Variants in UTP11 observed in about 807,000 individuals in gnomAD.
UTP11 encodes the protein UTP11 small subunit processome component.
A neutral mutation model predicts 39.0 loss-of-function variants in UTP11; 29 were observed. The ratio of observed to expected loss-of-function variants is 0.74; its 90% confidence interval spans 0.55 to 1.01. The LOEUF (loss-of-function observed/expected upper bound fraction) is 1.01. Among genes scored for constraint, UTP11 ranks in the 50% least tolerant of loss-of-function variants. The probability of loss-of-function intolerance (pLI) is 0.00; values close to 1 mark genes in which losing one functional copy is unlikely to be tolerated. For missense variants in UTP11, 281 were observed against 306.0 expected (o/e 0.92, Z 0.61); for synonymous variants, 111 against 105.0 (o/e 1.06, Z -0.35).
Position 38,024,280 on chromosome 1 carries a change from G to A in UTP11, c.*652G>A, listed in dbSNP as rs1300359742. ...CTGTGCTAGGAGCTAGAGCTGTGGA[G>A]GTGGACAATTACTGTGAGTAGTCTA... On this transcript the variant is annotated 3_prime_UTR_variant, in exon 8 of 8. Coordinates refer to ENST00000373014, the MANE Select transcript of UTP11 (RefSeq NM_016037.4). 2 of 152,226 alleles carry A rather than the reference G, an allele frequency of 1.3e-5. No individual in the cohort carries two copies. Among genetic ancestry groups the A allele is most frequent in the Non-Finnish European group, 2.9e-5 (2 of 68,052 alleles). 9.4% of individuals were successfully genotyped at this position (152,226 alleles called of 1,614,324 possible). A position where few individuals can be genotyped will look rare whatever the true frequency, so the allele number is the denominator to read the frequency against.
chr1:38,014,558 A>G (rs1365109461), intron 1 of UTP11, among the ~76,000 whole-genome samples: 1 of 151,998 alleles, frequency 6.6e-6, no homozygotes, highest in Non-Finnish European at 1.5e-5. Context: ...TGCTTTTTTG[A>G]CCCTTTAGCT....
At position 38,024,649 on chromosome 1, in the gene UTP11, C is replaced by CA. The variant is rs1276192475; in HGVS notation, c.*1022dup. 3 of 151,894 alleles carry CA rather than the reference C, an allele frequency of 2.0e-5. No homozygotes were observed. The highest frequency in any genetic ancestry group is 4.4e-5 in the Non-Finnish European group (3 of 67,962). The allele number at this position is 151,894 out of a possible 1,614,324, so 9.4% of individuals were successfully genotyped here. ...GTCTCGATCTCCTGACCTCATGATCCACCCGCCTCGGCCTCCCAAAGTGCT... is the reference window on the plus strand; with the variant it reads ...GTCTCGATCTCCTGACCTCATGATCCAACCCGCCTCGGCCTCCCAAAGTGCT... On this transcript the variant is annotated 3_prime_UTR_variant, in exon 8 of 8. Transcript: ENST00000373014.
chr1:38,017,863 A>G, intron 3 of UTP11, 93 bp downstream of exon 3: 7 of 1,134,202 alleles, frequency 6.2e-6, no homozygotes, highest in Non-Finnish European at 8.9e-6. Context: ...GTTGGCCTTA[A>G]TTTAACCCTT....
chr1:38,014,178 C>T (rs1431755020), intron 1 of UTP11, among the ~76,000 whole-genome samples: 2 of 152,180 alleles, frequency 1.3e-5, no homozygotes, highest in South Asian at 2.1e-4. Context: ...ATAGTATATC[C>T]AAAGTCACAG....
At chr1:38,016,094 G>C (rs562753465) in intron 1 of UTP11, among the ~76,000 whole-genome samples, 13 of 152,232 alleles carry the variant, frequency 8.5e-5, no homozygotes, top group African/African-American at 3.1e-4. Context: ...GCTTAGTGCC[G>C]AGTCATTGTT....
rs759546878 is a variant in UTP11 at position 38,019,052 on chromosome 1, G to A, written c.343-7G>A. On this transcript the variant is annotated splice_region_variant and splice_polypyrimidine_tract_variant and intron_variant, in intron 4 of 7. Transcript: ENST00000373014. ...AATATAAAGTGAGACCATATTCTGT[G>A]TTCTAGAAAATCGAAAGACTAAAAT... 3.1e-5 allele frequency: 49 copies of A among 1,605,486 alleles called. 1 individual carries two copies. In the South Asian group the frequency reaches 5.2e-4, roughly 17 times the overall value.
At position 38,017,686 on chromosome 1, in the gene UTP11, A is replaced by G. The variant is rs938515391; in HGVS notation, c.144A>G (p.Gln48=). 10 of 1,602,846 alleles carry G rather than the reference A, an allele frequency of 6.2e-6. No homozygotes were observed. Among genetic ancestry groups the G allele is most frequent in the African/African-American group, 4.0e-5 (3 of 74,092 alleles). The change falls in exon 3 of 8, where the codon CAA becomes CAG. Residue 48 remains glutamine (Q), a synonymous_variant. Transcript: ENST00000373014. ...KLRADDYRKK[Q]EYLKALRKKA... ...CTTTTAGTGACTACCGTAAAAAACA[A>G]GAATACCTCAAAGCTCTTCGGAAGA... is the stretch of plus-strand genomic sequence containing the variant.
Position 38,023,690 on chromosome 1 carries a change from C to T in UTP11, c.*62C>T. 6.9e-7 allele frequency: 1 copy of T among 1,448,586 alleles called. No homozygotes were observed. Among genetic ancestry groups the T allele is most frequent in the East Asian group, 2.4e-5 (1 of 42,374 alleles). 89.7% of individuals were successfully genotyped at this position (1,448,586 alleles called of 1,614,324 possible). On this transcript the variant is annotated 3_prime_UTR_variant, in exon 8 of 8. Transcript: ENST00000373014. ...ATCTGTTGTCGTTTTCTAGTAACTT[C>T]AAATTCCATTACTCCAAATGGCATG...
At chr1:38,014,960 T>A (rs1646700061) in intron 1 of UTP11, among the ~76,000 whole-genome samples, 1 of 152,164 alleles carries the variant, frequency 6.6e-6, no homozygotes, top group Non-Finnish European at 1.5e-5. Flanking sequence ...ATTGCATCAC[T>A]TGAAGGATAA....
intron 1 of UTP11, among the ~76,000 whole-genome samples, chr1:38,014,397 G>A (rs1284695134): frequency 6.6e-6 from 1 of 152,202 alleles, no homozygotes; most frequent in African/African-American, 2.4e-5. Context: ...CAGTAGGGCA[G>A]CAGGGGAGCT....
chr1:38,017,763 A>ACTACAAAATG lies in UTP11; in HGVS notation c.221_222insCTACAAAATG (p.Lys74AsnfsTer13), dbSNP rs780372015. 2 of 1,610,946 alleles carry ACTACAAAATG rather than the reference A, an allele frequency of 1.2e-6. No individual in the cohort carries two copies. Among genetic ancestry groups the ACTACAAAATG allele is most frequent in the Non-Finnish European group, 1.7e-6 (2 of 1,178,960 alleles). On this transcript the variant is annotated frameshift_variant, in exon 3 of 8. Transcript: ENST00000373014. LOFTEE classifies it high-confidence loss of function. ...TTCTACTACAAAATGACTCGGGTTA[A>ACTACAAAATG]ACTCCAGGTGGGTGCCCAATGGCTT...
At chr1:38,013,959 C>A (rs1646692843) in intron 1 of UTP11, among the ~76,000 whole-genome samples, 1 of 152,228 alleles carries the variant, frequency 6.6e-6, no homozygotes, top group African/African-American at 2.4e-5. Context: ...TGGTGATCCA[C>A]CCGCCTTGGC....
intron 1 of UTP11, among the ~76,000 whole-genome samples, chr1:38,015,312 C>T (rs1424107663): frequency 6.6e-6 from 1 of 152,202 alleles, no homozygotes; most frequent in Non-Finnish European, 1.5e-5. Flanking sequence ...TGAGCCACTG[C>T]ACCCGGCCTA....
chr1:38,016,294 G>A (rs1361401185), intron 1 of UTP11, 65 bp from the exon 2 acceptor site: 7 of 1,513,328 alleles, frequency 4.6e-6, no homozygotes, highest in African/African-American at 2.7e-5. Context: ...GTTAGATGTC[G>A]TGTTGATTTG....
intron 1 of UTP11, among the ~76,000 whole-genome samples, chr1:38,015,380 C>T (rs886679107): frequency 6.6e-5 from 10 of 152,162 alleles, no homozygotes; most frequent in Non-Finnish European, 1.0e-4. Context: ...TAAGATTATT[C>T]GCAACAGAAG....
chr1:38,018,356 T>TGACCGC (rs1377872300), intron 3 of UTP11, 108 bp from the exon 4 acceptor site: 18 of 696,480 alleles, frequency 2.6e-5, no homozygotes, highest in Non-Finnish European at 3.8e-5. Context: ...CAGGTGTGAG[T>TGACCGC]GACCGCACTT....
At chr1:38,022,593 G>C (rs1335203101) in intron 6 of UTP11, 106 bp from the exon 7 acceptor site, 2 of 703,732 alleles carry the variant, frequency 2.8e-6, no homozygotes, top group African/African-American at 3.6e-5. Context: ...GTGAAAGAAG[G>C]GAGTTGATGA....
chr1:38,023,489 C>A (rs141796881), intron 7 of UTP11, 56 bp from the exon 8 acceptor site: 2 of 1,527,696 alleles, frequency 1.3e-6, no homozygotes, highest in Non-Finnish European at 1.8e-6. Flanking sequence ...ATTAACCTTT[C>A]GATTTTACAA....
At chr1:38,015,745 T>C (rs192188157) in intron 1 of UTP11, among the ~76,000 whole-genome samples, 2 of 152,252 alleles carry the variant, frequency 1.3e-5, no homozygotes, top group East Asian at 3.9e-4. Context: ...GTACCACAAG[T>C]ATAATAATAA....
Sources: allele counts gnomAD v4.1 joint callset (sites outside exome capture counted in the v4.1 genomes callset), GRCh38; gene constraint gnomAD v4.1.1; transcripts MANE v1.5; gene names NCBI Gene and HGNC (gene_info 2026-07-23, HGNC 2026-07-21).